Variants in IL1RAPL1 observed in about 807,000 individuals in gnomAD.
IL1RAPL1 encodes interleukin-1 receptor accessory protein-like 1.
IL1RAPL1 carries 3 observed loss-of-function variants against 48.4 expected under a neutral mutation model. The observed-to-expected ratio is 0.06, with a 90% confidence interval of 0.03 to 0.16. The LOEUF is 0.16. IL1RAPL1 is among the 10% of genes least tolerant of loss of function. The pLI, the probability that IL1RAPL1 is intolerant of heterozygous loss-of-function variation, is 1.00. For missense variants in IL1RAPL1, 349 were observed against 530.6 expected, an observed-to-expected ratio of 0.66 and a Z score of 3.36; for synonymous variants, 185 against 187.7, an observed-to-expected ratio of 0.99 and a Z score of 0.12.
At chrX:29,649,577 G>A (rs1295706072) in intron 5 of IL1RAPL1, among the ~76,000 whole-genome samples, 2 of 111,058 alleles carry the variant, frequency 1.8e-5, no homozygotes, top group African/African-American at 6.6e-5. Context: ...AACAAATTAG[G>A]TATAGAAATT....
chrX:29,027,922 T>TTGTGTG (rs751730303), intron 2 of IL1RAPL1, among the ~76,000 whole-genome samples: 57 of 104,720 alleles, frequency 5.4e-4, no homozygotes, highest in Non-Finnish European at 8.7e-4. Flanking sequence ...AGATTTCTTT[T>TTGTGTG]TGTGTGTGTG....
chrX:28,764,745 T>C (rs138939223), intron 1 of IL1RAPL1, among the ~76,000 whole-genome samples: 6 of 111,116 alleles, frequency 5.4e-5, no homozygotes, highest in Non-Finnish European at 1.1e-4. Flanking sequence ...TTTAGATAAT[T>C]TCACAGTTGT....
intron 1 of IL1RAPL1, among the ~76,000 whole-genome samples, chrX:28,734,600 C>G (rs1457627392): frequency 9.3e-6 from 1 of 107,751 alleles, no homozygotes. Flanking sequence ...AACTATAACT[C>G]TCTAACTCCT....
intron 3 of IL1RAPL1, among the ~76,000 whole-genome samples, chrX:29,288,840 T>C: frequency 8.9e-6 from 1 of 112,225 alleles, no homozygotes; most frequent in East Asian, 2.8e-4. Flanking sequence ...CTTGACTTTT[T>C]AATAATCGCC....
At chrX:29,451,600 TTC>T (rs780110998) in intron 5 of IL1RAPL1, among the ~76,000 whole-genome samples, 3 of 111,744 alleles carry the variant, frequency 2.7e-5, no homozygotes, top group African/African-American at 9.7e-5. Context: ...CTTGAATTTG[TTC>T]TCTCTCTCTG....
rs146345986 is a variant in IL1RAPL1 at position 29,719,263 on chromosome X, T to A, written c.778+50759T>A. 2.8e-4 allele frequency among the ~76,000 whole-genome samples: 31 copies of A among 112,282 alleles called. 1 individual carries two copies. In the East Asian group the frequency reaches 7.6e-3, roughly 27 times the overall value. On this transcript the variant is annotated intron_variant, in intron 6 of 10. Coordinates refer to ENST00000378993, the MANE Select transcript of IL1RAPL1 (RefSeq NM_014271.4). ...AATGTATTCTCTCTAGCCCCTAACATTTCATGATAGATTCACTACAGTTGT... is the reference window on the plus strand; with the variant it reads ...AATGTATTCTCTCTAGCCCCTAACAATTCATGATAGATTCACTACAGTTGT...
At chrX:28,960,851 A>G (rs1370681401) in intron 2 of IL1RAPL1, among the ~76,000 whole-genome samples, 1 of 109,076 alleles carries the variant, frequency 9.2e-6, no homozygotes, top group African/African-American at 3.3e-5. Flanking sequence ...TACTAAAAAA[A>G]TACAAAAAAT....
At position 29,803,235 on chromosome X, in the gene IL1RAPL1, GTA is replaced by G. The variant is rs1291428754; in HGVS notation, c.779-114223_779-114222del. Among the ~76,000 whole-genome samples the G allele has an allele frequency of 3.6e-3, 118 of 32,656 alleles. 12 individuals carry two copies. Among genetic ancestry groups the G allele is most frequent in the African/African-American group, 0.015 (109 of 7,205 alleles). The allele number at this position is 32,656 out of a possible 115,157, so 28.4% of individuals were successfully genotyped here. The stretch of plus-strand genomic sequence containing the variant: ...TATATATGTATACATATACACACAT[GTA>G]TATATGTATACATATACACACATGT... On this transcript the variant is annotated intron_variant, in intron 6 of 10. Transcript: ENST00000378993.
chrX:29,180,849 G>A (rs1320141239), intron 2 of IL1RAPL1, among the ~76,000 whole-genome samples: 1 of 111,300 alleles, frequency 9.0e-6, no homozygotes, highest in Non-Finnish European at 1.9e-5. Context: ...TGACGTTTTA[G>A]ATTCCTGTAT....
chrX:29,148,376 A>T (rs1203279542), intron 2 of IL1RAPL1, among the ~76,000 whole-genome samples: 1 of 111,660 alleles, frequency 9.0e-6, no homozygotes, highest in African/African-American at 3.3e-5. Context: ...CACATTTTCA[A>T]ATGAACTCAC....
At chrX:29,408,340 A>G (rs770423378) in intron 5 of IL1RAPL1, among the ~76,000 whole-genome samples, 1 of 111,416 alleles carries the variant, frequency 9.0e-6, no homozygotes, top group Non-Finnish European at 1.9e-5. Context: ...TCTGGCCAAA[A>G]CATTTTTCTA....
intron 6 of IL1RAPL1, among the ~76,000 whole-genome samples, chrX:29,814,863 C>T (rs1188343592): frequency 1.8e-5 from 2 of 111,194 alleles, no homozygotes; most frequent in Admixed American, 9.6e-5. Flanking sequence ...TTAATTTTGT[C>T]GACTTTGTTG....
At chrX:29,576,295 T>A (rs1338368299) in intron 5 of IL1RAPL1, among the ~76,000 whole-genome samples, 2 of 111,953 alleles carry the variant, frequency 1.8e-5, no homozygotes, top group Non-Finnish European at 3.8e-5. Context: ...AAGATGCTCA[T>A]TAGTTTATTT....
chrX:29,158,944 CTCCCT>C, intron 2 of IL1RAPL1, among the ~76,000 whole-genome samples: 1 of 61,058 alleles, frequency 1.6e-5, no homozygotes, highest in African/African-American at 6.9e-5. Flanking sequence ...CCCCCCCTCC[CTCCCT>C]CTCCCTCTCT....
chrX:29,942,917 G>A (rs940959338), intron 9 of IL1RAPL1, among the ~76,000 whole-genome samples: 1 of 110,687 alleles, frequency 9.0e-6, no homozygotes, highest in Admixed American at 9.6e-5. Flanking sequence ...TACTGCACCC[G>A]GTCTCATCAT....
intron 2 of IL1RAPL1, among the ~76,000 whole-genome samples, chrX:28,840,490 G>T (rs1294069402): frequency 2.7e-5 from 3 of 109,971 alleles, no homozygotes; most frequent in Non-Finnish European, 3.8e-5. Context: ...ATTACATCAG[G>T]GTAAATGGGG....
At chrX:29,134,070 GTTTA>G (rs1929076292) in intron 2 of IL1RAPL1, among the ~76,000 whole-genome samples, 1 of 111,661 alleles carries the variant, frequency 9.0e-6, no homozygotes, top group African/African-American at 3.2e-5. Context: ...ACTTACCACA[GTTTA>G]TTTATTCATT....
intron 5 of IL1RAPL1, among the ~76,000 whole-genome samples, chrX:29,545,939 C>G (rs1178810903): frequency 1.8e-5 from 2 of 111,666 alleles, no homozygotes; most frequent in Non-Finnish European, 3.8e-5. Flanking sequence ...AATCTCCCTA[C>G]TAGAAATTCT....
At chrX:29,829,767 C>A (rs1436066498) in intron 6 of IL1RAPL1, among the ~76,000 whole-genome samples, 1 of 111,907 alleles carries the variant, frequency 8.9e-6, no homozygotes, top group Non-Finnish European at 1.9e-5. Context: ...ATATTTTGAT[C>A]TAATCTAGAA....
Sources: allele counts gnomAD v4.1 joint callset (sites outside exome capture counted in the v4.1 genomes callset), GRCh38; gene constraint gnomAD v4.1.1; transcripts MANE v1.5; gene names NCBI Gene and HGNC (gene_info 2026-07-23, HGNC 2026-07-21).